NTRK2: variants seen among roughly 807,000 people sequenced by gnomAD.
The protein encoded by NTRK2 is neurotrophic receptor tyrosine kinase 2, also known as BDNF/NT-3 growth factors receptor.
NTRK2 carries 13 observed loss-of-function variants against 94.5 expected under a neutral mutation model. That is an observed-to-expected ratio of 0.14 (90% confidence interval 0.09 to 0.22). The LOEUF is 0.22. NTRK2 is among the 10% of genes least tolerant of loss of function. The probability of loss-of-function intolerance (pLI) is 1.00; values close to 1 mark genes in which losing one functional copy is unlikely to be tolerated. For missense variants in NTRK2, 639 were observed against 1,071.2 expected, an observed-to-expected ratio of 0.60 and a Z score of 5.63; for synonymous variants, 372 against 407.4, an observed-to-expected ratio of 0.91 and a Z score of 1.05.
intron 4 of NTRK2, among the ~76,000 whole-genome samples, chr9:84,703,240 C>T (rs930715419): frequency 1.3e-5 from 2 of 152,172 alleles, no homozygotes; most frequent in Non-Finnish European, 2.9e-5. Context: ...TTTTGCTGTA[C>T]CAAATTCTCT....
chr9:84,894,824 A>C (rs12346884), intron 14 of NTRK2, among the ~76,000 whole-genome samples: 18,364 of 152,224 alleles, frequency 0.12, 1,326 homozygotes, highest in East Asian at 0.22. Flanking sequence ...GACACAATTC[A>C]TAAGCCTTTT....
At chr9:84,707,630 A>G (rs548737146) in intron 4 of NTRK2, among the ~76,000 whole-genome samples, 1 of 152,194 alleles carries the variant, frequency 6.6e-6, no homozygotes, top group Admixed American at 6.5e-5. Flanking sequence ...CAATATATTT[A>G]TGCTACCCCT....
chr9:84,710,361 T>C (rs2061354388), intron 5 of NTRK2, among the ~76,000 whole-genome samples: 1 of 152,220 alleles, frequency 6.6e-6, no homozygotes, highest in African/African-American at 2.4e-5. Context: ...GAGATGTTCT[T>C]TTCTATCCTA....
intron 14 of NTRK2, among the ~76,000 whole-genome samples, chr9:84,930,576 G>A (rs926491709): frequency 3.3e-5 from 5 of 152,160 alleles, no homozygotes; most frequent in African/African-American, 1.2e-4. Context: ...GGCATCCTTG[G>A]TGCATTGCCG....
chr9:84,740,647 C>A (rs1303796096), intron 9 of NTRK2, among the ~76,000 whole-genome samples: 1 of 152,186 alleles, frequency 6.6e-6, no homozygotes, highest in Non-Finnish European at 1.5e-5. Context: ...ACATTAAAGG[C>A]GCCCCCTAGA....
chr9:84,850,977 T>A (rs1478482933), intron 12 of NTRK2, among the ~76,000 whole-genome samples: 1 of 152,190 alleles, frequency 6.6e-6, no homozygotes, highest in Non-Finnish European at 1.5e-5. Flanking sequence ...GGTTTTAGCA[T>A]AAATTCTACC....
intron 3 of NTRK2, 31 bp downstream of exon 3, chr9:84,702,264 CAG>C (rs2060779297): frequency 6.2e-7 from 1 of 1,612,664 alleles, no homozygotes. Flanking sequence ...CACATTATCT[CAG>C]AGAATTTTCC....
chr9:84,733,506 G>A (rs1272657263), intron 9 of NTRK2, among the ~76,000 whole-genome samples: 1 of 152,204 alleles, frequency 6.6e-6, no homozygotes, highest in Non-Finnish European at 1.5e-5. Flanking sequence ...TAACACTTGA[G>A]ACAACGTAGA....
intron 2 of NTRK2, among the ~76,000 whole-genome samples, chr9:84,689,462 A>G (rs2059914135): frequency 6.6e-6 from 1 of 152,316 alleles, no homozygotes; most frequent in Non-Finnish European, 1.5e-5. Context: ...TTTATTGGTC[A>G]GGTTGTTTAT....
At chr9:84,815,253 A>G in intron 12 of NTRK2, 2 of 1,055,202 alleles carry the variant, frequency 1.9e-6, no homozygotes, top group Non-Finnish European at 2.3e-6. Context: ...GTGAGCACCC[A>G]GAATGTGTTG....
intron 14 of NTRK2, among the ~76,000 whole-genome samples, chr9:84,868,167 C>T (rs756905298): frequency 2.6e-5 from 4 of 152,174 alleles, no homozygotes; most frequent in Non-Finnish European, 4.4e-5. Context: ...TATGGCATTG[C>T]TTCCAGGCCT....
rs553937861 is a variant in NTRK2, at chr9:84,686,878, G to T, written c.213-15281G>T. On this transcript the variant is annotated intron_variant, in intron 2 of 18. Coordinates refer to ENST00000277120, the MANE Select transcript of NTRK2 (RefSeq NM_006180.6). Reference sequence around the variant, plus strand: ...TTTTAAAATAGAGTGAAGTCTATAGGTTAATAAATTGTGTTGAATAATCAA... The same window carrying T: ...TTTTAAAATAGAGTGAAGTCTATAGTTTAATAAATTGTGTTGAATAATCAA... 2.0e-5 allele frequency among the ~76,000 whole-genome samples: 3 copies of T among 152,176 alleles called. No homozygotes were observed. The South Asian group carries it at 6.2e-4, about 32-fold the overall frequency.
intron 9 of NTRK2, among the ~76,000 whole-genome samples, chr9:84,740,048 A>G (rs978915874): frequency 3.3e-5 from 5 of 152,234 alleles, no homozygotes; most frequent in African/African-American, 1.2e-4. Flanking sequence ...GAAGAGGGAC[A>G]AGTGAAATCT....
intron 12 of NTRK2, among the ~76,000 whole-genome samples, chr9:84,857,818 A>G (rs936610672): frequency 6.6e-6 from 1 of 152,146 alleles, no homozygotes; most frequent in Non-Finnish European, 1.5e-5. Flanking sequence ...TCCAGTTTCC[A>G]TTCTCAGATT....
intron 14 of NTRK2, among the ~76,000 whole-genome samples, chr9:84,894,991 T>C (rs2076717063): frequency 6.6e-6 from 1 of 151,894 alleles, no homozygotes; most frequent in African/African-American, 2.4e-5. Context: ...TGGAAAAAAA[T>C]ATAACCCTTA....
At chr9:84,828,338 T>A (rs1002983248) in intron 12 of NTRK2, among the ~76,000 whole-genome samples, 2 of 152,188 alleles carry the variant, frequency 1.3e-5, no homozygotes, top group Non-Finnish European at 2.9e-5. Flanking sequence ...GAGCTATAAC[T>A]TCATTATATG....
At chr9:84,726,312 C>A (rs944770266) in intron 8 of NTRK2, among the ~76,000 whole-genome samples, 39 of 152,182 alleles carry the variant, frequency 2.6e-4, no homozygotes, top group Admixed American at 5.2e-4. Flanking sequence ...CATGATGAAA[C>A]CCCGTCTCTA....
chr9:84,747,473 G>GTTT (rs766939495), intron 11 of NTRK2, among the ~76,000 whole-genome samples: 196 of 122,308 alleles, frequency 1.6e-3, no homozygotes, highest in Middle Eastern at 5.6e-3. Context: ...AGTTTTCTGG[G>GTTT]TTTTTTTTTT....
At chr9:84,814,144 G>T (rs1241575273) in intron 12 of NTRK2, 1 of 1,065,458 alleles carries the variant, frequency 9.4e-7, no homozygotes, top group Non-Finnish European at 1.1e-6. Flanking sequence ...CCAGAAATAG[G>T]TAGCAAGGAC....
Sources: gnomAD v4.1 joint callset for allele counts (sites outside exome capture counted in the v4.1 genomes callset) on GRCh38, gnomAD v4.1.1 for gene constraint, MANE v1.5 for transcripts, NCBI Gene and HGNC (gene_info 2026-07-23, HGNC 2026-07-21) for gene names.